The following METTL8 variants were observed in gnomAD, a reference collection of about 807,000 sequenced individuals.
The protein encoded by METTL8 is tRNA N(3)-cytidine methyltransferase METTL8, mitochondrial.
A neutral mutation model predicts 48.7 loss-of-function variants in METTL8; 32 were observed. That is an observed-to-expected ratio of 0.66 (90% confidence interval 0.50 to 0.88). The LOEUF (loss-of-function observed/expected upper bound fraction) is 0.88, where lower values mean the gene tolerates loss of function less well. METTL8 is among the 40% of genes least tolerant of loss of function. The probability of loss-of-function intolerance (pLI) is 0.00; values close to 1 mark genes in which losing one functional copy is unlikely to be tolerated. For missense variants in METTL8, 464 were observed against 474.4 expected, an observed-to-expected ratio of 0.98 and a Z score of 0.20; for synonymous variants, 136 against 157.1, an observed-to-expected ratio of 0.87 and a Z score of 1.01.
intron 1 of METTL8, among the ~76,000 whole-genome samples, chr2:171,431,701 C>T (rs1284913871): frequency 5.9e-5 from 9 of 152,202 alleles, no homozygotes; most frequent in Admixed American, 3.3e-4. Context: ...GCCTGGTAGC[C>T]ACCCTATGCA....
intron 2 of METTL8, among the ~76,000 whole-genome samples, chr2:171,381,639 T>C (rs760114685): frequency 4.6e-4 from 70 of 151,972 alleles, no homozygotes; most frequent in Admixed American, 1.8e-3. Context: ...CCAATAAACA[T>C]ATGAAAAAAG....
intron 7 of METTL8, among the ~76,000 whole-genome samples, chr2:171,326,603 T>C (rs1426274442): frequency 6.6e-6 from 1 of 152,226 alleles, no homozygotes; most frequent in Non-Finnish European, 1.5e-5. Flanking sequence ...CATTCTCCTT[T>C]TCTTTATTTA....
intron 3 of METTL8, among the ~76,000 whole-genome samples, chr2:171,350,932 T>C (rs1683845656): frequency 6.6e-6 from 1 of 152,220 alleles, no homozygotes; most frequent in South Asian, 2.1e-4. Context: ...ACTCTGATGG[T>C]AGTTTCTTTT....
At chr2:171,405,282 C>T (rs547585834) in intron 1 of METTL8, among the ~76,000 whole-genome samples, 5 of 151,324 alleles carry the variant, frequency 3.3e-5, no homozygotes, top group Non-Finnish European at 5.9e-5. Flanking sequence ...TGGCTGAAGT[C>T]GAGAGGGACT....
intron 1 of METTL8, among the ~76,000 whole-genome samples, chr2:171,430,027 CA>C (rs1692826461): frequency 7.3e-6 from 1 of 137,536 alleles, no homozygotes; most frequent in South Asian, 2.3e-4. Context: ...GCAACAAGAG[CA>C]AAAAAACTCC....
In METTL8 at chr2:171,356,952, A is replaced by ATGTTTTTTTTTGTTT; in HGVS notation, c.235+3469_235+3470insAAACAAAAAAAAACA. On this transcript the variant is annotated intron_variant, in intron 3 of 9. Transcript: ENST00000375258. ...CAAATTAGCCTTGTTCAAAGACAAT[A>ATGTTTTTTTTTGTTT]TTTTTTTTTTTTTTTTTGAGACAGG... Among the ~76,000 whole-genome samples, 5 of 78,488 alleles carry ATGTTTTTTTTTGTTT rather than the reference A, an allele frequency of 6.4e-5. 1 individual carries two copies. In the East Asian group the frequency reaches 2.2e-3, roughly 34 times the overall value. 51.5% of individuals were successfully genotyped at this position (78,488 alleles called of 152,430 possible).
intron 2 of METTL8, chr2:171,375,237 G>T: frequency 8.2e-7 from 1 of 1,225,212 alleles, no homozygotes; most frequent in South Asian, 1.2e-5. Flanking sequence ...CGTGGCCGCG[G>T]CCCTTTTTGG....
chr2:171,341,952 TG>T (rs1451799603), intron 3 of METTL8, among the ~76,000 whole-genome samples: 7 of 152,114 alleles, frequency 4.6e-5, no homozygotes, highest in African/African-American at 1.7e-4. Flanking sequence ...AAGGAGTGGC[TG>T]GGGACCACAG....
chr2:171,417,056 A>C (rs1249115496), intron 1 of METTL8, among the ~76,000 whole-genome samples: 1 of 152,256 alleles, frequency 6.6e-6, no homozygotes, highest in Non-Finnish European at 1.5e-5. Flanking sequence ...ACATCAGCTT[A>C]ACAAGGGAAG....
intron 2 of METTL8, among the ~76,000 whole-genome samples, chr2:171,362,597 A>ATAAATCAG (rs2105477985): frequency 6.6e-6 from 1 of 151,464 alleles, no homozygotes; most frequent in African/African-American, 2.4e-5. Flanking sequence ...AAATAAATAA[A>ATAAATCAG]TAAATCAAAA....
At position 171,374,991 on chromosome 2, in the gene METTL8, T is replaced by C. The variant is rs1287638100; in HGVS notation, c.144-14478A>G. 4 of 1,034,782 alleles carry C rather than the reference T, an allele frequency of 3.9e-6. No individual in the cohort carries two copies. The African/African-American group carries it at 6.3e-5, about 16-fold the overall frequency. The allele number at this position is 1,034,782 out of a possible 1,614,324, so 64.1% of individuals were successfully genotyped here. On this transcript the variant is annotated intron_variant, in intron 2 of 9. Transcript: ENST00000375258. ...CCACAGGTCTAAATCAGGGTGGGGG[T>C]GTTCGGTCTTTGTGGGCTTCACGAG...
intron 3 of METTL8, among the ~76,000 whole-genome samples, chr2:171,349,948 C>G (rs1273618611): frequency 2.0e-5 from 3 of 152,032 alleles, no homozygotes; most frequent in Admixed American, 6.6e-5. Flanking sequence ...ATCCATCAAC[C>G]TAAATATTTG....
chr2:171,393,514 G>A (rs1281538550), intron 1 of METTL8, among the ~76,000 whole-genome samples: 2 of 149,190 alleles, frequency 1.3e-5, no homozygotes, highest in Non-Finnish European at 3.0e-5. Flanking sequence ...AGCATTTAAA[G>A]AGTATGTCAT....
intron 1 of METTL8, among the ~76,000 whole-genome samples, chr2:171,408,256 T>C (rs1445307937): frequency 6.6e-6 from 1 of 152,040 alleles, no homozygotes; most frequent in Non-Finnish European, 1.5e-5. Context: ...TTAGAAATAG[T>C]ATTAGAAAAT....
intron 1 of METTL8, among the ~76,000 whole-genome samples, chr2:171,400,669 G>A (rs149914808): frequency 6.6e-6 from 1 of 152,262 alleles, no homozygotes; most frequent in Non-Finnish European, 1.5e-5. Context: ...CCTAAATAAT[G>A]TAACATTTTA....
At chr2:171,434,230 A>G (rs1693568143), upstream of METTL8, 1 of 445,766 alleles carries the variant, frequency 2.2e-6, no homozygotes. Flanking sequence ...TCCTGGGAGA[A>G]GCCGGGCTGC....
chr2:171,402,788 G>A (rs778116723), intron 1 of METTL8, among the ~76,000 whole-genome samples: 2 of 151,952 alleles, frequency 1.3e-5, no homozygotes, highest in African/African-American at 2.4e-5. Flanking sequence ...AATATAACAT[G>A]AGCCTAGAGC....
chr2:171,432,613 T>C (rs1470885153), intron 1 of METTL8, among the ~76,000 whole-genome samples: 4 of 152,206 alleles, frequency 2.6e-5, no homozygotes, highest in Non-Finnish European at 5.9e-5. Context: ...TGTAGCACTC[T>C]CTAAAAATAT....
At chr2:171,325,621 A>G (rs1179797271) in intron 9 of METTL8, among the ~76,000 whole-genome samples, 1 of 126,034 alleles carries the variant, frequency 7.9e-6, no homozygotes, top group Non-Finnish European at 1.7e-5. Context: ...ATGAGGGTAA[A>G]ACAAGAGACT....
Sources: gnomAD v4.1 joint callset for allele counts (sites outside exome capture counted in the v4.1 genomes callset) on GRCh38, gnomAD v4.1.1 for gene constraint, MANE v1.5 for transcripts, NCBI Gene and HGNC (gene_info 2026-07-23, HGNC 2026-07-21) for gene names.